Variants in STXBP5L observed in about 807,000 individuals in gnomAD.
STXBP5L encodes the protein syntaxin-binding protein 5-like.
In STXBP5L, 65 loss-of-function variants were observed where a neutral mutation model predicts 144.5. The observed-to-expected ratio is 0.45, with a 90% CI of 0.37 to 0.55. The LOEUF is 0.55. Among genes scored for constraint, STXBP5L ranks in the 20% least tolerant of loss-of-function variants. The probability of loss-of-function intolerance (pLI) is 0.00; values close to 1 mark genes in which losing one functional copy is unlikely to be tolerated. For synonymous variants in STXBP5L, 505 were observed against 469.6 expected (o/e 1.08, Z -0.97); for missense variants, 1,298 against 1,405.5 (o/e 0.92, Z 1.22).
chr3:121,052,681 G>A (rs9856143), intron 5 of STXBP5L, among the ~76,000 whole-genome samples: 79,490 of 151,772 alleles, frequency 0.52, 21,371 homozygotes, highest in African/African-American at 0.62. Context: ...TTTGAAAACT[G>A]GCACAAGACA....
At chr3:121,075,026 C>T (rs1020475447) in intron 5 of STXBP5L, among the ~76,000 whole-genome samples, 1 of 152,112 alleles carries the variant, frequency 6.6e-6, no homozygotes, top group Non-Finnish European at 1.5e-5. Context: ...CTTTTTGGCC[C>T]TCTACCTCCA....
intron 20 of STXBP5L, among the ~76,000 whole-genome samples, chr3:121,320,977 G>A (rs2043952276): frequency 6.6e-6 from 1 of 152,140 alleles, no homozygotes; most frequent in Non-Finnish European, 1.5e-5. Flanking sequence ...GGGATTACAG[G>A]CGTGAGCCAC....
Position 120,985,648 on chromosome 3 carries a change from G to T in STXBP5L, c.287+30611G>T, listed in dbSNP as rs189150046. On this transcript the variant is annotated intron_variant, in intron 3 of 26. Transcript: ENST00000471454. Reference sequence around the variant, plus strand: ...TTCTGTTTCTCTGTGGTTAGTGTTGGTAGATTTTGTGTTTCTAGGAATTTG... The same window carrying T: ...TTCTGTTTCTCTGTGGTTAGTGTTGTTAGATTTTGTGTTTCTAGGAATTTG... Among the ~76,000 whole-genome samples the T allele has an allele frequency of 3.3e-4, 50 of 151,932 alleles. 1 individual carries two copies. Among genetic ancestry groups the T allele is most frequent in the Admixed American group, 2.2e-3 (34 of 15,252 alleles).
intron 3 of STXBP5L, among the ~76,000 whole-genome samples, chr3:120,990,424 C>G (rs1427952731): frequency 6.6e-6 from 1 of 152,130 alleles, no homozygotes; most frequent in African/African-American, 2.4e-5. Flanking sequence ...ATCAAGCTAC[C>G]AATGACTTTC....
intron 21 of STXBP5L, 35 bp from the exon 22 acceptor site, chr3:121,381,258 C>T (rs2046315127): frequency 2.0e-6 from 3 of 1,494,012 alleles, no homozygotes; most frequent in Non-Finnish European, 2.7e-6. Flanking sequence ...AATATACTAA[C>T]AATTTGTGTG....
Position 121,336,650 on chromosome 3 carries a change from C to T in STXBP5L, c.2176+18110C>T, listed in dbSNP as rs1174923764. On this transcript the variant is annotated intron_variant, in intron 20 of 26. Coordinates refer to ENST00000471454, the MANE Select transcript of STXBP5L (RefSeq NM_001308330.2). ...GCAGAGAAAAGGGAATGCTTATACA[C>T]TGTTGGTGGGAGTGTAAATTAAACT... Among the ~76,000 whole-genome samples the T allele has an allele frequency of 2.6e-5, 4 of 152,054 alleles. No individual in the cohort carries two copies. The South Asian group carries it at 8.3e-4, about 32-fold the overall frequency.
intron 9 of STXBP5L, among the ~76,000 whole-genome samples, chr3:121,163,085 G>T (rs566613706): frequency 6.6e-6 from 1 of 152,126 alleles, no homozygotes; most frequent in Non-Finnish European, 1.5e-5. Context: ...ATATCCAAAG[G>T]ATTATAAATC....
At chr3:121,245,855 C>T (rs757743648) in intron 14 of STXBP5L, among the ~76,000 whole-genome samples, 1 of 152,076 alleles carries the variant, frequency 6.6e-6, no homozygotes, top group Non-Finnish European at 1.5e-5. Context: ...ATTTCAATAT[C>T]ACATTTTCAG....
chr3:120,991,138 C>A (rs1216905461), intron 3 of STXBP5L, among the ~76,000 whole-genome samples: 12 of 146,612 alleles, frequency 8.2e-5, no homozygotes, highest in East Asian at 6.0e-4. Flanking sequence ...TTACAAGAAA[C>A]AAACAAACAA....
intron 3 of STXBP5L, among the ~76,000 whole-genome samples, chr3:120,999,101 G>T (rs950517247): frequency 6.6e-6 from 1 of 152,122 alleles, no homozygotes; most frequent in South Asian, 2.1e-4. Flanking sequence ...CACCCAGGCT[G>T]GAGTGCAGTG....
At chr3:121,119,655 G>A (rs2044374475) in intron 6 of STXBP5L, among the ~76,000 whole-genome samples, 1 of 151,054 alleles carries the variant, frequency 6.6e-6, no homozygotes, top group Non-Finnish European at 1.5e-5. Flanking sequence ...TTATTTTTAG[G>A]TCAATTTCTC....
At chr3:120,919,476 T>C (rs142853921) in intron 2 of STXBP5L, among the ~76,000 whole-genome samples, 21 of 150,924 alleles carry the variant, frequency 1.4e-4, no homozygotes, top group African/African-American at 5.2e-4. Context: ...AAATAATCTG[T>C]ACATTACATT....
At chr3:120,969,668 C>T (rs893440915) in intron 3 of STXBP5L, among the ~76,000 whole-genome samples, 1 of 151,812 alleles carries the variant, frequency 6.6e-6, no homozygotes. Flanking sequence ...GAATTTTTAT[C>T]GTTTCAGGTC....
intron 3 of STXBP5L, among the ~76,000 whole-genome samples, chr3:120,983,399 A>T (rs920353069): frequency 6.6e-6 from 1 of 151,956 alleles, no homozygotes; most frequent in Non-Finnish European, 1.5e-5. Flanking sequence ...TGGTGGTGGT[A>T]TCTGTTTTTG....
intron 9 of STXBP5L, among the ~76,000 whole-genome samples, chr3:121,175,877 C>G (rs1387353522): frequency 6.6e-6 from 1 of 150,904 alleles, no homozygotes; most frequent in Non-Finnish European, 1.5e-5. Flanking sequence ...AAAGATATAG[C>G]TTACAAATGC....
At chr3:121,061,425 G>A (rs913655224) in intron 5 of STXBP5L, among the ~76,000 whole-genome samples, 2 of 152,178 alleles carry the variant, frequency 1.3e-5, no homozygotes, top group African/African-American at 2.4e-5. Flanking sequence ...GTATGATGTG[G>A]TGCTGAGGTG....
intron 10 of STXBP5L, among the ~76,000 whole-genome samples, chr3:121,217,356 T>C (rs935036145): frequency 6.6e-6 from 1 of 152,164 alleles, no homozygotes; most frequent in African/African-American, 2.4e-5. Flanking sequence ...GCGAAGACCA[T>C]GGGAAAAGCG....
In STXBP5L at chr3:121,136,422, A is replaced by G. The variant is rs151314624; in HGVS notation, c.669+14718A>G. 2.0e-4 allele frequency among the ~76,000 whole-genome samples: 31 copies of G among 152,258 alleles called. No homozygotes were observed. In the East Asian group the frequency reaches 5.2e-3, roughly 26 times the overall value. On this transcript the variant is annotated intron_variant, in intron 7 of 26. Coordinates refer to ENST00000471454, the MANE Select transcript of STXBP5L (RefSeq NM_001308330.2). ...AAAGCAGACTCAGAACTCAACCAAC[A>G]TCACTTCTTGCCTACTTCAGCAGCC...
chr3:121,107,620 T>A (rs954447752), intron 5 of STXBP5L, among the ~76,000 whole-genome samples: 7 of 152,190 alleles, frequency 4.6e-5, no homozygotes, highest in Admixed American at 6.5e-5. Flanking sequence ...TATAGCCTTG[T>A]GGTATAGCTT....
Sources: allele counts gnomAD v4.1 joint callset (sites outside exome capture counted in the v4.1 genomes callset), GRCh38; gene constraint gnomAD v4.1.1; transcripts MANE v1.5; gene names NCBI Gene and HGNC (gene_info 2026-07-23, HGNC 2026-07-21).